The following RALYL variants were observed in gnomAD, a reference collection of about 807,000 sequenced individuals.
RALYL encodes the protein RALY RNA binding protein like.
A neutral mutation model predicts 35.1 loss-of-function variants in RALYL; 29 were observed. The ratio of observed to expected loss-of-function variants is 0.83; its 90% CI spans 0.61 to 1.13. The LOEUF (loss-of-function observed/expected upper bound fraction) is 1.13. Among genes scored for constraint, RALYL ranks in the 50% most tolerant of loss-of-function variants. The probability of loss-of-function intolerance (pLI) is 0.00; values close to 1 mark genes in which losing one functional copy is unlikely to be tolerated. For synonymous variants in RALYL, 120 were observed against 127.6 expected, an observed-to-expected ratio of 0.94 and a Z score of 0.40; for missense variants, 359 against 360.4, an observed-to-expected ratio of 1.00 and a Z score of 0.03.
intron 2 of RALYL, among the ~76,000 whole-genome samples, chr8:84,683,130 G>C (rs1404007809): frequency 3.3e-5 from 5 of 152,150 alleles, no homozygotes; most frequent in African/African-American, 7.2e-5. Context: ...AGGTTTTTCA[G>C]TTTCCATGTA....
At chr8:84,835,331 T>G (rs1227454082) in intron 4 of RALYL, among the ~76,000 whole-genome samples, 4 of 151,828 alleles carry the variant, frequency 2.6e-5, no homozygotes, top group Admixed American at 6.6e-5. Flanking sequence ...TTCAACAAAC[T>G]TTATAATGGG....
chr8:84,376,373 T>A (rs1303383344), intron 1 of RALYL, among the ~76,000 whole-genome samples: 1 of 151,828 alleles, frequency 6.6e-6, no homozygotes, highest in African/African-American at 2.4e-5. Context: ...AATAAAATTG[T>A]ATAGAAGTTT....
At chr8:84,599,319 ATAGT>A (rs1397915147) in intron 2 of RALYL, among the ~76,000 whole-genome samples, 3 of 152,050 alleles carry the variant, frequency 2.0e-5, no homozygotes, top group Admixed American at 6.6e-5. Context: ...AATATTTAGC[ATAGT>A]TAAATTTAGC....
intron 1 of RALYL, among the ~76,000 whole-genome samples, chr8:84,267,963 T>C (rs1412983587): frequency 6.6e-6 from 1 of 152,262 alleles, no homozygotes; most frequent in Non-Finnish European, 1.5e-5. Context: ...TGTTTTATTT[T>C]ACTGAATGCT....
At chr8:84,882,584 A>C (rs978937221) in intron 7 of RALYL, among the ~76,000 whole-genome samples, 1 of 152,056 alleles carries the variant, frequency 6.6e-6, no homozygotes, top group Non-Finnish European at 1.5e-5. Context: ...ATTTATTTTA[A>C]TTAGTTGATT....
intron 1 of RALYL, among the ~76,000 whole-genome samples, chr8:84,464,226 G>A (rs1488097617): frequency 1.3e-5 from 2 of 150,538 alleles, no homozygotes; most frequent in Non-Finnish European, 3.0e-5. Flanking sequence ...GTGCCATGCT[G>A]GTGCGCTGCA....
chr8:84,656,649 T>C (rs1830011621), intron 2 of RALYL, among the ~76,000 whole-genome samples: 1 of 152,144 alleles, frequency 6.6e-6, no homozygotes, highest in Non-Finnish European at 1.5e-5. Flanking sequence ...ATTATCATAC[T>C]TGAAAAGTTA....
intron 7 of RALYL, among the ~76,000 whole-genome samples, chr8:84,881,146 C>T (rs1842114704): frequency 6.6e-6 from 1 of 151,884 alleles, no homozygotes; most frequent in South Asian, 2.1e-4. Context: ...ACTCACATAA[C>T]TAATATATTC....
At chr8:84,676,399 C>G (rs549086487) in intron 2 of RALYL, among the ~76,000 whole-genome samples, 1 of 152,304 alleles carries the variant, frequency 6.6e-6, no homozygotes, top group South Asian at 2.1e-4. Context: ...TGATTGTAGG[C>G]ATAACCCCTT....
chr8:84,383,913 G>T (rs1446699679), intron 1 of RALYL, among the ~76,000 whole-genome samples: 1 of 151,496 alleles, frequency 6.6e-6, no homozygotes, highest in East Asian at 1.9e-4. Flanking sequence ...AATTTGAGAT[G>T]ATAGCCAGCC....
intron 2 of RALYL, among the ~76,000 whole-genome samples, chr8:84,670,733 A>G (rs1296971278): frequency 6.6e-6 from 1 of 152,124 alleles, no homozygotes; most frequent in African/African-American, 2.4e-5. Context: ...CACCCCCATG[A>G]TTCAATTGCC....
chr8:84,305,817 T>C (rs560994774), intron 1 of RALYL, among the ~76,000 whole-genome samples: 25 of 152,104 alleles, frequency 1.6e-4, no homozygotes, highest in African/African-American at 6.0e-4. Context: ...GATTAGAAAA[T>C]TGAAGGTAAA....
At chr8:84,190,237 A>T (rs1217428157) in intron 1 of RALYL, among the ~76,000 whole-genome samples, 1 of 152,212 alleles carries the variant, frequency 6.6e-6, no homozygotes. Context: ...CACCATCAAC[A>T]TCATAACACC....
intron 1 of RALYL, among the ~76,000 whole-genome samples, chr8:84,311,773 C>T (rs967480373): frequency 7.2e-5 from 11 of 152,042 alleles, no homozygotes; most frequent in African/African-American, 2.2e-4. Flanking sequence ...AAATTTATTA[C>T]AATATTTCAA....
chr8:84,531,070 C>T (rs532554316), intron 2 of RALYL, among the ~76,000 whole-genome samples: 1 of 152,206 alleles, frequency 6.6e-6, no homozygotes, highest in East Asian at 1.9e-4. Flanking sequence ...ACTGTCTATT[C>T]TATTACTGTG....
chr8:84,273,341 C>A (rs1005469780), intron 1 of RALYL, among the ~76,000 whole-genome samples: 1 of 152,216 alleles, frequency 6.6e-6, no homozygotes, highest in Non-Finnish European at 1.5e-5. Context: ...GCCAGGTACT[C>A]GCCACATGGG....
At chr8:84,465,273 A>T (rs199611089) in intron 1 of RALYL, among the ~76,000 whole-genome samples, 4,167 of 89,642 alleles carry the variant, frequency 0.046, 1 homozygote, top group Non-Finnish European at 0.05. Flanking sequence ...TTATGGTTTT[A>T]GGTCTAACGT....
chr8:84,531,911 C>T (rs1171128436), intron 2 of RALYL, among the ~76,000 whole-genome samples: 3 of 151,982 alleles, frequency 2.0e-5, no homozygotes, highest in Admixed American at 2.0e-4. Context: ...AAAATGATGA[C>T]ACCAAATTGC....
At chr8:84,490,322 T>C (rs897542602) in intron 1 of RALYL, among the ~76,000 whole-genome samples, 3 of 151,870 alleles carry the variant, frequency 2.0e-5, no homozygotes, top group African/African-American at 7.3e-5. Context: ...CTTACTCACA[T>C]AAAGCAAGCA....
Sources: allele counts gnomAD v4.1 joint callset (sites outside exome capture counted in the v4.1 genomes callset), GRCh38; gene constraint gnomAD v4.1.1; transcripts MANE v1.5; gene names NCBI Gene and HGNC (gene_info 2026-07-23, HGNC 2026-07-21).